Variants in TBX10 observed in about 807,000 individuals in gnomAD.
TBX10 encodes the protein T-box transcription factor TBX10.
Under a neutral mutation model 32.4 loss-of-function variants are expected in TBX10, and 26 were observed. That is an observed-to-expected ratio of 0.80 (90% CI 0.59 to 1.11). The LOEUF (loss-of-function observed/expected upper bound fraction) is 1.11, where lower values mean the gene tolerates loss of function less well. TBX10 is among the 50% of genes most tolerant of loss of function. The pLI, the probability that TBX10 is intolerant of heterozygous loss-of-function variation, is 0.00. For missense variants in TBX10, 490 were observed against 494.5 expected, an observed-to-expected ratio of 0.99 and a Z score of 0.09; for synonymous variants, 195 against 203.1, an observed-to-expected ratio of 0.96 and a Z score of 0.34.
chr11:67,632,554 G>T, intron 6 of TBX10, 49 bp downstream of exon 6: 1 of 1,603,532 alleles, frequency 6.2e-7, no homozygotes, highest in South Asian at 1.1e-5. Context: ...GAGGCCTTAG[G>T]ATATGCCTGG....
Position 67,632,991 on chromosome 11 carries a change from G to A in TBX10, c.662C>T (p.Thr221Ile). Residue 221 changes from threonine (T) to isoleucine (I), a missense_variant, in exon 5 of 8, where the codon ACA (threonine) becomes ATA (isoleucine). Coordinates refer to ENST00000335385, the MANE Select transcript of TBX10 (RefSeq NM_005995.5). ...AQENFKSFIF[T>I]ETQFTAVTAY... ...TGTCACTGCTGTGAACTGGGTCTCT[G>A]TGAAGATGAAGGACTTGAAGTTCTC... 6.2e-7 allele frequency: 1 copy of A among 1,614,226 alleles called. No individual in the cohort carries two copies. The highest frequency in any genetic ancestry group is 8.5e-7 in the Non-Finnish European group (1 of 1,180,030).
intron 3 of TBX10, 98 bp from the exon 4 acceptor site, chr11:67,634,458 TCACCCCA>T (rs1177890932): frequency 4.3e-6 from 6 of 1,404,162 alleles, no homozygotes; most frequent in Non-Finnish European, 5.9e-6. Context: ...CCAACACTGC[TCACCCCA>T]CCTGGTGGGC....
upstream of TBX10, among the ~76,000 whole-genome samples, chr11:67,640,530 C>A (rs941847174): frequency 6.6e-6 from 1 of 152,192 alleles, no homozygotes; most frequent in South Asian, 2.1e-4. Flanking sequence ...GACCGGGCAC[C>A]CTCTCCAGGT....
intron 1 of TBX10, 63 bp downstream of exon 1, chr11:67,639,403 C>CCCCCCCCCCCCCCCCCCCCAA: frequency 3.1e-6 from 2 of 646,482 alleles, no homozygotes; most frequent in Non-Finnish European, 5.6e-6. Context: ...TCCCACCCTG[C>CCCCCCCCCCCCCCCCCCCCAA]CCACCCACCC....
rs201886785 is a variant in TBX10, at chr11:67,633,004, A to T, written c.649T>A (p.Ser217Thr). 253 of 1,614,194 alleles carry T rather than the reference A, an allele frequency of 1.6e-4. 1 individual carries two copies. The highest frequency in any genetic ancestry group is 1.1e-3 in the South Asian group (103 of 91,082). The change falls in exon 5 of 8, where the codon TCC becomes ACC. Residue 217 changes from serine (S) to threonine (T), a missense_variant. Transcript: ENST00000335385. ...SERYAQENFKSFIFTETQFTA... is the reference protein window; with the variant it reads ...SERYAQENFKTFIFTETQFTA... ...AACTGGGTCTCTGTGAAGATGAAGG[A>T]CTTGAAGTTCTCCTGGGCATAGCGC...
intron 3 of TBX10, 27 bp from the exon 4 acceptor site, chr11:67,634,387 G>T (rs1476969616): frequency 3.8e-6 from 6 of 1,599,042 alleles, no homozygotes; most frequent in Non-Finnish European, 4.2e-6. Context: ...GGTGGTGAGG[G>T]CTTCCCCAAC....
chr11:67,635,071 A>ACTGT lies in TBX10; in HGVS notation c.196_199dup (p.Val67AspfsTer19), dbSNP rs1288144632. The ACTGT allele has an allele frequency of 1.2e-6, 2 of 1,613,756 alleles. No homozygotes were observed. The highest frequency in any genetic ancestry group is 3.3e-5 in the Admixed American group (2 of 60,012). ...CCACAGAGGCTTCATCTCCAGCTGA[A>ACTGT]CTGTCACTCTGGACACACGTGGGTT... On this transcript the variant is annotated frameshift_variant, in exon 2 of 8. Coordinates refer to ENST00000335385, the MANE Select transcript of TBX10 (RefSeq NM_005995.5). LOFTEE classifies it high-confidence loss of function.
chr11:67,640,403 C>T (rs563421249), upstream of TBX10, among the ~76,000 whole-genome samples: 3 of 152,352 alleles, frequency 2.0e-5, no homozygotes, highest in South Asian at 4.1e-4. Flanking sequence ...GGGGGCACTG[C>T]CCTGGCTGAT....
rs773597039 is a variant in TBX10, at chr11:67,631,591, C to G, written c.*14G>C. 1.3e-6 allele frequency: 2 copies of G among 1,586,818 alleles called. No homozygotes were observed. The highest frequency in any genetic ancestry group is 1.7e-6 in the Non-Finnish European group (2 of 1,172,540). ...GGTCCAGGGTAGCAGGGCTTCCCCC[C>G]AGGGCTTCTGGCATCACTGGGAGTC... is the stretch of plus-strand genomic sequence containing the variant. On this transcript the variant is annotated 3_prime_UTR_variant, in exon 8 of 8. Transcript: ENST00000335385.
Position 67,632,317 on chromosome 11 carries a change from C to A in TBX10, c.868+1G>T. 2 of 1,613,306 alleles carry A rather than the reference C, an allele frequency of 1.2e-6. No homozygotes were observed. Among genetic ancestry groups the A allele is most frequent in the Non-Finnish European group, 1.7e-6 (2 of 1,179,994 alleles). On this transcript the variant is annotated splice_donor_variant, in intron 7 of 7. Transcript: ENST00000335385. LOFTEE classifies it high-confidence loss of function. ...CTATGTCTGCAGGCCTGGGGCCTTACCTTTCTCCCTGTCTGTGGCACCCTT... is the reference window on the plus strand; with the variant it reads ...CTATGTCTGCAGGCCTGGGGCCTTAACTTTCTCCCTGTCTGTGGCACCCTT...
At chr11:67,640,520 G>T (rs947791616), upstream of TBX10, among the ~76,000 whole-genome samples, 2 of 152,220 alleles carry the variant, frequency 1.3e-5, no homozygotes, top group Non-Finnish European at 2.9e-5. Context: ...TCTCTGGCCT[G>T]ACCGGGCACC....
rs1855226397 is a variant in TBX10 at position 67,631,334 on chromosome 11, G to A, written c.*271C>T. On this transcript the variant is annotated 3_prime_UTR_variant, in exon 8 of 8. Transcript: ENST00000335385. ...CAAATAGTTTAATGTTAGGGGGAAG[G>A]GAGAGGTAAGGCAGGGTTTTCGGGA... The A allele has an allele frequency of 9.4e-6, 5 of 532,526 alleles. No individual in the cohort carries two copies. Among genetic ancestry groups the A allele is most frequent in the South Asian group, 2.1e-5 (1 of 48,282 alleles). 33.0% of individuals were successfully genotyped at this position (532,526 alleles called of 1,614,324 possible). A position where few individuals can be genotyped will look rare whatever the true frequency, so the allele number is the denominator to read the frequency against.
intron 1 of TBX10, among the ~76,000 whole-genome samples, chr11:67,638,868 G>A (rs936698800): frequency 2.0e-5 from 3 of 152,166 alleles, no homozygotes; most frequent in Admixed American, 6.5e-5. Context: ...GGGCGGGTAC[G>A]TCATCCAGGT....
upstream of TBX10, among the ~76,000 whole-genome samples, chr11:67,641,416 C>G (rs552691961): frequency 6.6e-4 from 100 of 152,340 alleles, no homozygotes; most frequent in South Asian, 1.0e-3. Context: ...ACACAGCACG[C>G]GCACAGACAC....
At chr11:67,639,405 C>T in intron 1 of TBX10, 61 bp downstream of exon 1, 5 of 1,080,612 alleles carry the variant, frequency 4.6e-6, no homozygotes, top group East Asian at 2.5e-5. Context: ...CCACCCTGCC[C>T]ACCCACCCTG....
At position 67,631,471 on chromosome 11, in the gene TBX10, CCT is replaced by C; in HGVS notation, c.*132_*133del. On this transcript the variant is annotated 3_prime_UTR_variant, in exon 8 of 8. Coordinates refer to ENST00000335385, the MANE Select transcript of TBX10 (RefSeq NM_005995.5). ...CCTTGCTGTGACCCTGGGCAGGTAG[CCT>C]CTTTCTCTAGACTTTCACCTACCCT... 9.2e-6 allele frequency: 11 copies of C among 1,199,822 alleles called. No individual in the cohort carries two copies. The South Asian group carries it at 1.4e-4, about 15-fold the overall frequency. The allele number at this position is 1,199,822 out of a possible 1,614,324, so 74.3% of individuals were successfully genotyped here.
chr11:67,638,657 A>G (rs1855363489), intron 1 of TBX10, among the ~76,000 whole-genome samples: 1 of 152,204 alleles, frequency 6.6e-6, no homozygotes, highest in Non-Finnish European at 1.5e-5. Flanking sequence ...GGCCATGGCC[A>G]CGTCCTCAGC....
At chr11:67,636,915 C>T (rs1337371239) in intron 1 of TBX10, among the ~76,000 whole-genome samples, 1 of 152,190 alleles carries the variant, frequency 6.6e-6, no homozygotes, top group African/African-American at 2.4e-5. Flanking sequence ...TTCACAATAG[C>T]TGAGAAGTGG....
In TBX10 at chr11:67,632,318, C is replaced by T. The variant is rs757678642; in HGVS notation, c.868G>A (p.Asp290Asn). The change falls in exon 7 of 8, where the codon GAC (aspartate) becomes AAC (asparagine). Residue 290 changes from aspartate to asparagine, a missense_variant and splice_region_variant. Physicochemically the swap from Asp to Asn is conservative, Grantham distance 23. Around this residue, in one of 3 missense-constraint regions of TBX10, gnomAD observed 177 missense variants for 176.6 expected, o/e 1.00. Transcript: ENST00000335385. ...VLKGATDREK[D>N]PNKASASTSK... The stretch of plus-strand genomic sequence containing the variant: ...TATGTCTGCAGGCCTGGGGCCTTAC[C>T]TTTCTCCCTGTCTGTGGCACCCTTC... The T allele has an allele frequency of 1.2e-6, 2 of 1,613,328 alleles. No homozygotes were observed. The highest frequency in any genetic ancestry group is 1.7e-6 in the Non-Finnish European group (2 of 1,180,002).
Sources: gnomAD v4.1 joint callset for allele counts (sites outside exome capture counted in the v4.1 genomes callset) on GRCh38, gnomAD v4.1.1 for gene constraint, gnomAD v4.1.1 regional missense constraint, MANE v1.5 for transcripts, NCBI Gene and HGNC (gene_info 2026-07-23, HGNC 2026-07-21) for gene names.